Variants in SANBR observed in about 807,000 individuals in gnomAD.
SANBR encodes the protein SANT and BTB domain regulator of class switch recombination.
In SANBR, 77 loss-of-function variants were observed where a neutral mutation model predicts 101.8. That is an observed-to-expected ratio of 0.76 (90% confidence interval 0.63 to 0.91). SANBR has a LOEUF of 0.91. SANBR is among the 40% of genes least tolerant of loss of function. The probability of loss-of-function intolerance (pLI) is 0.00; values close to 1 mark genes in which losing one functional copy is unlikely to be tolerated. For synonymous variants in SANBR, 279 were observed against 274.7 expected (o/e 1.02, Z -0.15); for missense variants, 875 against 853.0 (o/e 1.03, Z -0.32).
At chr2:61,117,844 AT>A (rs1559141318) in intron 19 of SANBR, among the ~76,000 whole-genome samples, 183 bp from the exon 20 acceptor site, 1 of 152,250 alleles carries the variant, frequency 6.6e-6, no homozygotes, top group African/African-American at 2.4e-5. Flanking sequence ...CAGCACAATT[AT>A]CCACAGATGA....
intron 20 of SANBR, among the ~76,000 whole-genome samples, chr2:61,131,607 C>G (rs150128714): frequency 1.8e-4 from 28 of 152,230 alleles, no homozygotes; most frequent in African/African-American, 6.7e-4. Context: ...GGGAGTATTC[C>G]TCAACTTAAT....
intron 10 of SANBR, 102 bp downstream of exon 10, chr2:61,088,570 C>A (rs541117150): frequency 4.0e-6 from 3 of 742,746 alleles, no homozygotes; most frequent in Non-Finnish European, 6.1e-6. Context: ...CCCAGGCTGG[C>A]GTGCAGTGGT....
chr2:61,112,877 A>G (rs868399366), intron 16 of SANBR, among the ~76,000 whole-genome samples: 5 of 152,164 alleles, frequency 3.3e-5, no homozygotes, highest in African/African-American at 1.2e-4. Context: ...TTTATGTTCC[A>G]TTATTTAATA....
chr2:61,088,116 A>G (rs1403254918), intron 8 of SANBR, 43 bp from the exon 9 acceptor site: 1 of 1,048,684 alleles, frequency 9.5e-7, no homozygotes, highest in Non-Finnish European at 1.4e-6. Context: ...ATCACTATAA[A>G]GTAGTGTAGA....
chr2:61,109,324 C>A (rs1205585379), intron 16 of SANBR, 28 bp downstream of exon 16: 10 of 1,303,234 alleles, frequency 7.7e-6, no homozygotes, highest in African/African-American at 1.5e-5. Flanking sequence ...AAAATCAAAT[C>A]TCCCTGTTTA....
intron 13 of SANBR, 92 bp from the exon 14 acceptor site, chr2:61,106,471 C>A: frequency 1.3e-6 from 1 of 799,058 alleles, no homozygotes; most frequent in Non-Finnish European, 2.0e-6. Context: ...TTCTAAAAAG[C>A]GATTTTTGAA....
At chr2:61,070,761 A>T (rs1342456127) in intron 3 of SANBR, among the ~76,000 whole-genome samples, 1 of 147,358 alleles carries the variant, frequency 6.8e-6, no homozygotes, top group Non-Finnish European at 1.5e-5. Flanking sequence ...ATTTTATATT[A>T]TATATATATT....
chr2:61,121,243 G>C lies in SANBR; in HGVS notation c.2087G>C (p.Ser696Thr). ...CAAATCAAGGCCTCAGTGCCAGTTA[G>C]TGCACGCCAAAGCAGCTCAGAGAAA... is the stretch of plus-strand genomic sequence containing the variant. Reference protein sequence around the residue: ...EAQIKASVPVSARQSSSEKNT... With the variant: ...EAQIKASVPVTARQSSSEKNT... Residue 696 changes from serine (S) to threonine (T), a missense_variant, in exon 21 of 22, where the codon AGT becomes ACT. Ser to Thr is a moderately conservative substitution (Grantham distance 58). Transcript: ENST00000402291. 2 of 1,551,164 alleles carry C rather than the reference G, an allele frequency of 1.3e-6. No individual in the cohort carries two copies. Among genetic ancestry groups the C allele is most frequent in the Non-Finnish European group, 1.7e-6 (2 of 1,146,574 alleles).
At chr2:61,069,321 C>G (rs1052585706) in intron 2 of SANBR, among the ~76,000 whole-genome samples, 1 of 152,180 alleles carries the variant, frequency 6.6e-6, no homozygotes. Context: ...TTATTTCTTT[C>G]CACGCTGTCA....
intron 12 of SANBR, among the ~76,000 whole-genome samples, chr2:61,100,964 G>C (rs1352022234): frequency 6.6e-6 from 1 of 152,152 alleles, no homozygotes; most frequent in Non-Finnish European, 1.5e-5. Context: ...GCCAGATGGG[G>C]ATGATGAAAT....
chr2:61,066,219 C>G (rs1430598216), intron 1 of SANBR, 192 bp downstream of exon 1: 1 of 152,776 alleles, frequency 6.5e-6, no homozygotes, highest in Non-Finnish European at 1.5e-5. Context: ...AGCTGGCCCG[C>G]GTCCCGTCAC....
At chr2:61,118,747 AGAC>A (rs1684201158) in intron 20 of SANBR, among the ~76,000 whole-genome samples, 1 of 151,586 alleles carries the variant, frequency 6.6e-6, no homozygotes, top group South Asian at 2.1e-4. Flanking sequence ...TTTTTAGTAG[AGAC>A]GGGGTTTCAC....
At chr2:61,067,428 G>A (rs1238315582) in intron 1 of SANBR, among the ~76,000 whole-genome samples, 1 of 152,086 alleles carries the variant, frequency 6.6e-6, no homozygotes, top group Non-Finnish European at 1.5e-5. Flanking sequence ...TTCTACCAAG[G>A]CCCAAACAAA....
chr2:61,074,563 C>T (rs1427411328), intron 5 of SANBR, among the ~76,000 whole-genome samples: 1 of 152,058 alleles, frequency 6.6e-6, no homozygotes, highest in African/African-American at 2.4e-5. Flanking sequence ...TGTGTGCCAC[C>T]GTGCCCATTT....
intron 10 of SANBR, among the ~76,000 whole-genome samples, chr2:61,090,092 G>T (rs1166273662): frequency 6.6e-6 from 1 of 152,168 alleles, no homozygotes. Flanking sequence ...TGAGGTTGCA[G>T]TGAGCTAGGA....
Position 61,118,051 on chromosome 2 carries a change from A to T in SANBR, c.1963A>T (p.Thr655Ser), listed in dbSNP as rs1275267072. The T allele has an allele frequency of 2.2e-5, 35 of 1,613,648 alleles. No homozygotes were observed. Among genetic ancestry groups the T allele is most frequent in the Non-Finnish European group, 3.0e-5 (35 of 1,179,756 alleles). ...AGATCAACGGCGAATGACTGAAATT[A>T]CAGGGCACCTAATAAAAATGAGATT... ...EDDQRRMTEITGHLIKMRLGD... is the reference protein window; with the variant it reads ...EDDQRRMTEISGHLIKMRLGD... The change falls in exon 20 of 22, where the codon ACA becomes TCA. Residue 655 changes from threonine to serine, a missense_variant. Coordinates refer to ENST00000402291, the MANE Select transcript of SANBR (RefSeq NM_001129993.3).
chr2:61,110,609 G>T (rs529997884), intron 16 of SANBR, among the ~76,000 whole-genome samples: 89 of 152,314 alleles, frequency 5.8e-4, no homozygotes, highest in Admixed American at 1.8e-3. Context: ...AACCCGCAAG[G>T]CGGAGGTTGC....
At chr2:61,073,434 T>G (rs1307936065) in intron 4 of SANBR, 24 bp from the exon 5 acceptor site, 4 of 1,171,792 alleles carry the variant, frequency 3.4e-6, no homozygotes, top group African/African-American at 1.6e-5. Context: ...TTTTTTTTTG[T>G]ATGTGTTTGT....
chr2:61,086,216 G>T (rs2104886026), intron 8 of SANBR, among the ~76,000 whole-genome samples: 1 of 151,802 alleles, frequency 6.6e-6, no homozygotes, highest in South Asian at 2.1e-4. Context: ...CAAGCTGGAG[G>T]GTAGTGGTAC....
Sources: allele counts gnomAD v4.1 joint callset (sites outside exome capture counted in the v4.1 genomes callset), GRCh38; gene constraint gnomAD v4.1.1; transcripts MANE v1.5; gene names NCBI Gene and HGNC (gene_info 2026-07-23, HGNC 2026-07-21).